KIAA1549L: variants seen among roughly 807,000 people sequenced by gnomAD.
KIAA1549L encodes the protein KIAA1549 like, also known as UPF0606 protein KIAA1549L.
Under a neutral mutation model 160.7 loss-of-function variants are expected in KIAA1549L, and 88 were observed. That is an observed-to-expected ratio of 0.55 (90% CI 0.46 to 0.65). The LOEUF (loss-of-function observed/expected upper bound fraction) is 0.65, where lower values mean the gene tolerates loss of function less well. Ranked by LOEUF, KIAA1549L falls within the 30% of genes least tolerant of loss-of-function variation. The pLI is 0.00. For synonymous variants in KIAA1549L, 950 were observed against 976.7 expected (o/e 0.97, Z 0.51); for missense variants, 2,258 against 2,437.5 (o/e 0.93, Z 1.55).
intron 8 of KIAA1549L, among the ~76,000 whole-genome samples, chr11:33,563,348 CAAAA>C (rs68027285): frequency 1.4e-3 from 131 of 95,900 alleles, no homozygotes; most frequent in African/African-American, 5.2e-3. Context: ...GACCGTGTCT[CAAAA>C]AAAAAAAAAA....
intron 1 of KIAA1549L, among the ~76,000 whole-genome samples, chr11:33,539,264 T>C (rs1218559139): frequency 6.6e-6 from 1 of 152,236 alleles, no homozygotes; most frequent in Admixed American, 6.5e-5. Context: ...CAAAGTTTAA[T>C]TAAACCATCC....
intron 6 of KIAA1549L, among the ~76,000 whole-genome samples, chr11:33,552,704 A>ACG (rs1854507694): frequency 6.0e-5 from 3 of 49,656 alleles, no homozygotes; most frequent in Admixed American, 2.1e-4. Flanking sequence ...ACACACACAC[A>ACG]TGCGTTTTAT....
chr11:33,579,127 A>G (rs966548008), intron 10 of KIAA1549L, among the ~76,000 whole-genome samples: 2 of 152,166 alleles, frequency 1.3e-5, no homozygotes, highest in African/African-American at 2.4e-5. Flanking sequence ...AGTCAAGTTA[A>G]TTAGCCTCTC....
In KIAA1549L at chr11:33,494,490, C is replaced by T. The variant is rs114409902; in HGVS notation, c.239-47312C>T. Among the ~76,000 whole-genome samples, 373 of 152,300 alleles carry T rather than the reference C, an allele frequency of 2.4e-3. 4 individuals are homozygous for T. The South Asian group carries it at 0.025, about 10-fold the overall frequency. Reference sequence around the variant, plus strand: ...TCTTCTCTAGACCTGCTAGAGATTACTTAACATGTAGCCAGATAGCTCCTT... The same window carrying T: ...TCTTCTCTAGACCTGCTAGAGATTATTTAACATGTAGCCAGATAGCTCCTT... On this transcript the variant is annotated intron_variant, in intron 1 of 20. Coordinates refer to ENST00000658780, the MANE Select transcript of KIAA1549L (RefSeq NM_012194.3).
chr11:33,507,005 T>C (rs1853107039), intron 1 of KIAA1549L, among the ~76,000 whole-genome samples: 1 of 152,102 alleles, frequency 6.6e-6, no homozygotes, highest in African/African-American at 2.4e-5. Context: ...ATCAGCCCTG[T>C]TCAGTTTTGT....
intron 15 of KIAA1549L, among the ~76,000 whole-genome samples, chr11:33,612,474 C>T (rs1053164636): frequency 1.3e-5 from 2 of 152,180 alleles, no homozygotes; most frequent in African/African-American, 4.8e-5. Flanking sequence ...TCAGGCTGGT[C>T]TCAAACTCCT....
chr11:33,438,191 C>G (rs762567937), intron 1 of KIAA1549L, among the ~76,000 whole-genome samples: 2 of 152,184 alleles, frequency 1.3e-5, no homozygotes, highest in Non-Finnish European at 2.9e-5. Flanking sequence ...AATTCCTGGT[C>G]ATTTCTTGGG....
At position 33,667,891 on chromosome 11, in the gene KIAA1549L, A is replaced by C. The variant is rs765990826; in HGVS notation, c.6178A>C (p.Ile2060Leu). Reference sequence around the variant, plus strand: ...TCTGCAGGTGCCCCTCCCAGGGTACATCGAGGCCTACCCCCGATCACGGTA... The same window carrying C: ...TCTGCAGGTGCCCCTCCCAGGGTACCTCGAGGCCTACCCCCGATCACGGTA... ...WADSVPLPGY[I>L]EAYPRSRYPQ... The change falls in exon 21 of 21, where the codon ATC (isoleucine) becomes CTC (leucine). Residue 2060 changes from isoleucine (I) to leucine (L), a missense_variant. Around this residue, in one of 6 missense-constraint regions of KIAA1549L, gnomAD observed 1,359 missense variants for 1,546.6 expected, o/e 0.88. Coordinates refer to ENST00000658780, the MANE Select transcript of KIAA1549L (RefSeq NM_012194.3). 6.2e-7 allele frequency: 1 copy of C among 1,612,514 alleles called. No homozygotes were observed. The highest frequency in any genetic ancestry group is 8.5e-7 in the Non-Finnish European group (1 of 1,179,310).
intron 1 of KIAA1549L, among the ~76,000 whole-genome samples, chr11:33,532,697 G>C (rs1171700917): frequency 6.6e-6 from 1 of 152,176 alleles, no homozygotes; most frequent in East Asian, 1.9e-4. Context: ...GCATCTCCAT[G>C]AATGTTTCTT....
rs370615392 is a variant in KIAA1549L at position 33,559,892 on chromosome 11, G to A, written c.3999G>A (p.Pro1333=). Residue 1333 remains proline, a synonymous_variant, in exon 7 of 21, where the codon CCG becomes CCA. Transcript: ENST00000658780. ...AELVGFYLTY[P]PLTIAEPLEY... ...TGGTGGGATTCTACCTCACCTATCC[G>A]CCGCTAACCATTGCTGAACGTGAGT... 5.0e-5 allele frequency: 80 copies of A among 1,613,958 alleles called. No homozygotes were observed. The highest frequency in any genetic ancestry group is 3.7e-4 in the African/African-American group (28 of 75,044).
chr11:33,569,985 TC>T (rs1210623063), intron 9 of KIAA1549L, among the ~76,000 whole-genome samples: 3 of 143,316 alleles, frequency 2.1e-5, no homozygotes, highest in African/African-American at 7.6e-5. Context: ...AGAGAGGTGT[TC>T]TTTCTCTCTC....
intron 10 of KIAA1549L, among the ~76,000 whole-genome samples, chr11:33,578,406 CT>C (rs1855526134): frequency 6.6e-6 from 1 of 152,168 alleles, no homozygotes. Flanking sequence ...TCTCAGTTCC[CT>C]TCCACAGTCA....
chr11:33,408,271 C>G (rs566085760), intron 1 of KIAA1549L, among the ~76,000 whole-genome samples: 1 of 151,976 alleles, frequency 6.6e-6, no homozygotes, highest in South Asian at 2.1e-4. Flanking sequence ...GGGCATCAGT[C>G]GGGAATAGAG....
chr11:33,380,497 A>G (rs945845128), intron 1 of KIAA1549L, among the ~76,000 whole-genome samples: 3 of 152,316 alleles, frequency 2.0e-5, no homozygotes, highest in Middle Eastern at 3.4e-3. Context: ...GATAAGAAGA[A>G]TGTATATTCT....
intron 1 of KIAA1549L, among the ~76,000 whole-genome samples, chr11:33,398,096 A>G (rs1261890912): frequency 6.6e-6 from 1 of 150,612 alleles, no homozygotes; most frequent in Non-Finnish European, 1.5e-5. Context: ...TAATTTTTGT[A>G]TTTTTAGTAG....
chr11:33,642,782 T>C (rs1330112725), intron 16 of KIAA1549L, among the ~76,000 whole-genome samples: 1 of 152,152 alleles, frequency 6.6e-6, no homozygotes, highest in Non-Finnish European at 1.5e-5. Context: ...AGTTTAAAAG[T>C]AGAAGGCAAA....
chr11:33,436,039 ATATTG>A (rs1056354970), intron 1 of KIAA1549L, among the ~76,000 whole-genome samples: 1 of 150,706 alleles, frequency 6.6e-6, no homozygotes, highest in South Asian at 2.1e-4. Context: ...ACATAGTATT[ATATTG>A]TATTAAGTAC....
At chr11:33,466,403 C>G (rs1852058533) in intron 1 of KIAA1549L, among the ~76,000 whole-genome samples, 2 of 152,190 alleles carry the variant, frequency 1.3e-5, no homozygotes, top group South Asian at 4.1e-4. Flanking sequence ...AAATGCAAAT[C>G]AAAACCACAA....
At chr11:33,377,326 T>A (rs994819305) in intron 1 of KIAA1549L, among the ~76,000 whole-genome samples, 2 of 152,106 alleles carry the variant, frequency 1.3e-5, no homozygotes, top group African/African-American at 4.8e-5. Flanking sequence ...ATCAACACAG[T>A]TTCTCCTGTG....
Sources: allele counts gnomAD v4.1 joint callset (sites outside exome capture counted in the v4.1 genomes callset), GRCh38; gene constraint gnomAD v4.1.1; regional missense constraint gnomAD v4.1.1; transcripts MANE v1.5; gene names NCBI Gene and HGNC (gene_info 2026-07-23, HGNC 2026-07-21).